OSBPL10: variants seen among roughly 807,000 people sequenced by gnomAD.
OSBPL10 encodes oxysterol binding protein like 10.
OSBPL10 carries 49 observed loss-of-function variants against 81.7 expected under a neutral mutation model. The observed-to-expected ratio is 0.60, with a 90% CI of 0.48 to 0.76. The LOEUF is 0.76. Among genes scored for constraint, OSBPL10 ranks in the 30% least tolerant of loss-of-function variants. OSBPL10 has a pLI of 0.00. For missense variants in OSBPL10, 923 were observed against 987.8 expected (o/e 0.93, Z 0.88); for synonymous variants, 419 against 383.6 (o/e 1.09, Z -1.08).
intron 2 of OSBPL10, among the ~76,000 whole-genome samples, chr3:31,878,681 C>T (rs1364942935): frequency 1.3e-5 from 2 of 152,048 alleles, no homozygotes; most frequent in South Asian, 2.1e-4. Flanking sequence ...AGCAAGCAGC[C>T]GTTTCTTCAT....
At chr3:31,886,312 A>AT (rs1303809811) in intron 1 of OSBPL10, among the ~76,000 whole-genome samples, 2 of 152,116 alleles carry the variant, frequency 1.3e-5, no homozygotes, top group African/African-American at 4.8e-5. Context: ...CATTACTGCT[A>AT]TTACCAAGAG....
At chr3:31,716,209 T>C (rs1696427559) in intron 6 of OSBPL10, among the ~76,000 whole-genome samples, 1 of 152,200 alleles carries the variant, frequency 6.6e-6, no homozygotes, top group Non-Finnish European at 1.5e-5. Context: ...TTGTTTATCC[T>C]TTTAATTGAA....
intron 1 of OSBPL10, among the ~76,000 whole-genome samples, chr3:31,950,353 T>C (rs1004640760): frequency 6.6e-6 from 1 of 152,184 alleles, no homozygotes; most frequent in African/African-American, 2.4e-5. Flanking sequence ...CTTAAGCACA[T>C]GAAGAGCTGC....
chr3:31,729,035 T>C (rs545493656), intron 6 of OSBPL10, among the ~76,000 whole-genome samples: 1 of 152,340 alleles, frequency 6.6e-6, no homozygotes, highest in South Asian at 2.1e-4. Context: ...CAGATCTAAT[T>C]CAGATTTTGA....
intron 4 of OSBPL10, among the ~76,000 whole-genome samples, chr3:31,752,935 T>C (rs144383290): frequency 3.2e-4 from 48 of 152,268 alleles, no homozygotes; most frequent in African/African-American, 1.1e-3. Context: ...CAAAGCTGCT[T>C]GTCTTGTTGG....
intron 4 of OSBPL10, among the ~76,000 whole-genome samples, chr3:31,754,798 C>T (rs931305729): frequency 2.0e-5 from 3 of 152,150 alleles, no homozygotes; most frequent in Admixed American, 6.5e-5. Context: ...TATTTTTATT[C>T]ACTCTCAGTT....
At chr3:31,663,785 G>T in intron 11 of OSBPL10, 1 of 1,320,242 alleles carries the variant, frequency 7.6e-7, no homozygotes, top group Admixed American at 3.2e-5. Flanking sequence ...TATCCAGTCT[G>T]CAGTCCCATC....
chr3:31,914,145 T>C (rs1349136139), intron 1 of OSBPL10, among the ~76,000 whole-genome samples: 1 of 152,148 alleles, frequency 6.6e-6, no homozygotes, highest in Non-Finnish European at 1.5e-5. Flanking sequence ...GGTCTCGAAC[T>C]CCTGACCTCA....
chr3:31,820,178 T>G (rs1041246478), intron 4 of OSBPL10, among the ~76,000 whole-genome samples: 3 of 152,190 alleles, frequency 2.0e-5, no homozygotes, highest in African/African-American at 7.2e-5. Flanking sequence ...AGGAAAGTAT[T>G]GAGCCCAGGT....
chr3:31,688,270 C>CAA (rs1700844380), intron 7 of OSBPL10, among the ~76,000 whole-genome samples: 1 of 60,498 alleles, frequency 1.7e-5, no homozygotes. Flanking sequence ...GCACAAATCT[C>CAA]TCTCTCTCTC....
intron 1 of OSBPL10, among the ~76,000 whole-genome samples, chr3:31,955,517 G>C (rs1240716674): frequency 6.6e-6 from 1 of 152,184 alleles, no homozygotes; most frequent in Non-Finnish European, 1.5e-5. Context: ...TCATGCAGTA[G>C]GAAGCCACCC....
At chr3:32,020,016 G>A (rs571691201) in intron 2 of OSBPL10, among the ~76,000 whole-genome samples, 2 of 152,336 alleles carry the variant, frequency 1.3e-5, no homozygotes, top group Admixed American at 1.3e-4. Flanking sequence ...GTGCTCTGTA[G>A]AAGCCGAGTC....
chr3:31,665,214 G>C (rs1700160798), intron 10 of OSBPL10, among the ~76,000 whole-genome samples: 1 of 152,164 alleles, frequency 6.6e-6, no homozygotes, highest in South Asian at 2.1e-4. Flanking sequence ...CTGTTCTAGA[G>C]AGAAAGGAAA....
rs1699603631 is a variant in OSBPL10 at position 32,044,297 on chromosome 3, T to C, written n.298+2194A>G. On this transcript the variant is annotated intron_variant and non_coding_transcript_variant, in intron 2 of 3. Coordinates refer to the OSBPL10 transcript ENST00000479173. ...CTTTCGTAATATAAGATTCATATTATTCTGATCACTTCTGGCTAAACCTTA... is the reference window on the plus strand; with the variant it reads ...CTTTCGTAATATAAGATTCATATTACTCTGATCACTTCTGGCTAAACCTTA... 1.4e-4 allele frequency among the ~76,000 whole-genome samples: 21 copies of C among 151,180 alleles called. No homozygotes were observed. In the South Asian group the frequency reaches 4.2e-3, roughly 30 times the overall value.
At chr3:31,946,063 C>A (rs895982613) in intron 1 of OSBPL10, among the ~76,000 whole-genome samples, 7 of 152,032 alleles carry the variant, frequency 4.6e-5, no homozygotes, top group Non-Finnish European at 8.8e-5. Flanking sequence ...TTACTGCAAC[C>A]TCCGCCTCCC....
intron 1 of OSBPL10, among the ~76,000 whole-genome samples, chr3:31,889,295 C>G (rs1375930891): frequency 3.3e-5 from 5 of 152,160 alleles, no homozygotes; most frequent in African/African-American, 1.2e-4. Context: ...CAATCCACTA[C>G]TGGGATTTAT....
intron 3 of OSBPL10, among the ~76,000 whole-genome samples, chr3:31,870,203 C>T (rs1157417467): frequency 6.6e-6 from 1 of 152,212 alleles, no homozygotes; most frequent in African/African-American, 2.4e-5. Flanking sequence ...CTTGGAGGGC[C>T]CCGCACTCCG....
intron 1 of OSBPL10, among the ~76,000 whole-genome samples, chr3:32,058,341 G>GC (rs996360067): frequency 6.6e-6 from 1 of 151,986 alleles, no homozygotes; most frequent in Admixed American, 6.6e-5. Context: ...GTTTTGTTTT[G>GC]TTTTTTTGAG....
chr3:31,830,075 T>C lies in OSBPL10; in HGVS notation c.694A>G (p.Ser232Gly). ...TCGTGAAGCTGGCCGGAATACTGAC[T>C]CTTGGCTCTTCGGGCGGCTGCAGGC... Reference protein sequence around the residue: ...KSPAAARRAKSQYSGQLHEVR... With the variant: ...KSPAAARRAKGQYSGQLHEVR... The change falls in exon 4 of 12, where the codon AGT becomes GGT. Residue 232 changes from serine to glycine, a missense_variant. By Grantham distance (56) the Ser-to-Gly change is moderately conservative. This residue lies in a region of OSBPL10 where 514 missense variants were observed against 508.0 expected (regional missense o/e 1.01). Coordinates refer to ENST00000396556, the MANE Select transcript of OSBPL10 (RefSeq NM_017784.5). The C allele has an allele frequency of 6.2e-7, 1 of 1,613,910 alleles. No homozygotes were observed. The highest frequency in any genetic ancestry group is 1.7e-4 in the Middle Eastern group (1 of 5,960).
Sources: gnomAD v4.1 joint callset for allele counts (sites outside exome capture counted in the v4.1 genomes callset) on GRCh38, gnomAD v4.1.1 for gene constraint, gnomAD v4.1.1 regional missense constraint, MANE v1.5 for transcripts, NCBI Gene and HGNC (gene_info 2026-07-23, HGNC 2026-07-21) for gene names.